The following ITGB6 variants were observed in gnomAD, a reference collection of about 807,000 sequenced individuals.
ITGB6 encodes integrin subunit beta 6, also known as integrin beta-6.
In ITGB6, 80 loss-of-function variants were observed where a neutral mutation model predicts 84.5. The observed-to-expected ratio is 0.95, with a 90% confidence interval of 0.79 to 1.14. The LOEUF (loss-of-function observed/expected upper bound fraction) is 1.14. ITGB6 is among the 50% of genes most tolerant of loss of function. ITGB6 has a pLI of 0.00. For synonymous variants in ITGB6, 383 were observed against 354.9 expected (o/e 1.08, Z -0.89); for missense variants, 1,006 against 968.0 (o/e 1.04, Z -0.52).
chr2:160,193,312 C>T (rs905794013), intron 4 of ITGB6, among the ~76,000 whole-genome samples: 3 of 152,234 alleles, frequency 2.0e-5, no homozygotes, highest in Admixed American at 2.0e-4. Flanking sequence ...GCAGCAAACT[C>T]CTGATACATA....
intron 10 of ITGB6, among the ~76,000 whole-genome samples, chr2:160,134,006 A>G (rs1056449600): frequency 6.6e-6 from 1 of 152,218 alleles, no homozygotes; most frequent in Non-Finnish European, 1.5e-5. Context: ...CTAGAGAAGC[A>G]TGAGCAAACA....
At chr2:160,139,470 A>C (rs560789680) in intron 8 of ITGB6, among the ~76,000 whole-genome samples, 55 of 152,266 alleles carry the variant, frequency 3.6e-4, no homozygotes, top group Non-Finnish European at 6.8e-4. Flanking sequence ...CTTCCTCCAA[A>C]ATCTGTTTAT....
chr2:160,189,223 C>A lies in ITGB6; in HGVS notation c.593+6146G>T, dbSNP rs990473064. Reference sequence around the variant, plus strand: ...TAATTCAAGATGGATTAAAGACTTACATGTTAGACCTAAAACCATAAAAAC... The same window carrying A: ...TAATTCAAGATGGATTAAAGACTTAAATGTTAGACCTAAAACCATAAAAAC... On this transcript the variant is annotated intron_variant, in intron 4 of 14. Coordinates refer to ENST00000283249, the MANE Select transcript of ITGB6 (RefSeq NM_000888.5). 7.2e-5 allele frequency among the ~76,000 whole-genome samples: 11 copies of A among 152,228 alleles called. No individual in the cohort carries two copies. The East Asian group carries it at 1.4e-3, about 19-fold the overall frequency.
At chr2:160,156,924 T>C (rs1237944283) in intron 7 of ITGB6, among the ~76,000 whole-genome samples, 2 of 152,212 alleles carry the variant, frequency 1.3e-5, no homozygotes, top group African/African-American at 4.8e-5. Flanking sequence ...TAAGCCTGAC[T>C]GGGTATGTTC....
At chr2:160,178,144 C>G (rs1043204025) in intron 4 of ITGB6, among the ~76,000 whole-genome samples, 21 of 152,192 alleles carry the variant, frequency 1.4e-4, no homozygotes, top group African/African-American at 4.3e-4. Context: ...CAAAGTGCTG[C>G]GAGTACAGGC....
intron 8 of ITGB6, among the ~76,000 whole-genome samples, chr2:160,140,803 T>A (rs961345189): frequency 7.9e-5 from 12 of 152,212 alleles, no homozygotes; most frequent in Admixed American, 7.9e-4. Context: ...TGTATTTTAT[T>A]TTCTGAAGAA....
rs1455500376 is a variant in ITGB6, at chr2:160,136,600, A to G, written c.1660+834T>C. 2.0e-5 allele frequency among the ~76,000 whole-genome samples: 3 copies of G among 152,334 alleles called. No individual in the cohort carries two copies. The East Asian group carries it at 5.8e-4, about 29-fold the overall frequency. ...CATGCTGCTATAAAGACACATGCAC[A>G]CGTATGTTTATTGCGGCACTATTCA... is the stretch of plus-strand genomic sequence containing the variant. On this transcript the variant is annotated intron_variant, in intron 10 of 14. Transcript: ENST00000283249.
chr2:160,152,576 T>C (rs997258668), intron 7 of ITGB6, among the ~76,000 whole-genome samples: 15 of 152,108 alleles, frequency 9.9e-5, no homozygotes, highest in Admixed American at 2.0e-4. Context: ...CTGTTCAACA[T>C]AGTGTTGGAA....
intron 4 of ITGB6, among the ~76,000 whole-genome samples, chr2:160,194,208 AC>A (rs1292934399): frequency 1.3e-5 from 2 of 152,080 alleles, no homozygotes; most frequent in African/African-American, 4.8e-5. Flanking sequence ...TTTTTAAGCC[AC>A]TGTCTCAGAT....
chr2:160,193,249 G>C (rs1281782304), intron 4 of ITGB6, among the ~76,000 whole-genome samples: 1 of 151,988 alleles, frequency 6.6e-6, no homozygotes, highest in Admixed American at 6.6e-5. Context: ...ACCAATAAAA[G>C]AGTAAATAAA....
At chr2:160,121,238 G>A (rs1683024995) in intron 12 of ITGB6, among the ~76,000 whole-genome samples, 1 of 152,164 alleles carries the variant, frequency 6.6e-6, no homozygotes, top group Non-Finnish European at 1.5e-5. Flanking sequence ...TTTATGGTCA[G>A]ATAAGTTTGG....
chr2:160,169,013 C>T (rs1391857324), intron 7 of ITGB6, among the ~76,000 whole-genome samples, 199 bp downstream of exon 7: 1 of 152,152 alleles, frequency 6.6e-6, no homozygotes, highest in Non-Finnish European at 1.5e-5. Context: ...TTATTAGTTC[C>T]CCATGCCCTA....
intron 1 of ITGB6, among the ~76,000 whole-genome samples, 155 bp from the exon 2 acceptor site, chr2:160,199,413 G>A (rs1270282842): frequency 6.6e-6 from 1 of 152,080 alleles, no homozygotes; most frequent in African/African-American, 2.4e-5. Flanking sequence ...TCACATAAAA[G>A]TTTGTATTTT....
rs568807874 is a variant in ITGB6, at chr2:160,100,733, A to T, written c.*1003T>A. On this transcript the variant is annotated 3_prime_UTR_variant, in exon 15 of 15. Coordinates refer to ENST00000283249, the MANE Select transcript of ITGB6 (RefSeq NM_000888.5). ...CTGAAATGTGCAAGTTGGGTTACATAGATGGGAAAAGAGTATGTATTAAAA... is the reference window on the plus strand; with the variant it reads ...CTGAAATGTGCAAGTTGGGTTACATTGATGGGAAAAGAGTATGTATTAAAA... The T allele has an allele frequency of 6.6e-6, 1 of 152,370 alleles. No homozygotes were observed. The highest frequency in any genetic ancestry group is 1.9e-4 in the East Asian group (1 of 5,192). 9.4% of individuals were successfully genotyped at this position (152,370 alleles called of 1,614,324 possible). A position where few individuals can be genotyped will look rare whatever the true frequency, so the allele number is the denominator to read the frequency against.
chr2:160,181,659 C>T (rs1685677713), intron 4 of ITGB6, among the ~76,000 whole-genome samples: 1 of 152,220 alleles, frequency 6.6e-6, no homozygotes, highest in Non-Finnish European at 1.5e-5. Flanking sequence ...ACTGCCTCCT[C>T]AAGTGGGTCC....
At chr2:160,178,649 C>A (rs1685533170) in intron 4 of ITGB6, among the ~76,000 whole-genome samples, 1 of 146,330 alleles carries the variant, frequency 6.8e-6, no homozygotes, top group Non-Finnish European at 1.5e-5. Flanking sequence ...GATCAGAGTT[C>A]ATTTTCTTTT....
intron 12 of ITGB6, among the ~76,000 whole-genome samples, chr2:160,117,694 A>G (rs1274804694): frequency 6.6e-6 from 1 of 152,188 alleles, no homozygotes; most frequent in East Asian, 1.9e-4. Context: ...TAGAGACACA[A>G]AAAACCCTTC....
At chr2:160,191,120 GGTT>G (rs1686123712) in intron 4 of ITGB6, among the ~76,000 whole-genome samples, 1 of 152,152 alleles carries the variant, frequency 6.6e-6, no homozygotes, top group Non-Finnish European at 1.5e-5. Context: ...ATAGTTAAGA[GGTT>G]GTTAGCACCA....
chr2:160,107,660 G>A lies in ITGB6; in HGVS notation c.2268+19C>T. ...CTCTTTCTCCCCTAGACAAGGAGTA[G>A]CCCTAAGTTTCCACATACCGTTTGC... On this transcript the variant is annotated intron_variant, in intron 14 of 14. Transcript: ENST00000283249. 1.9e-6 allele frequency: 3 copies of A among 1,612,358 alleles called. No homozygotes were observed. The highest frequency in any genetic ancestry group is 2.5e-6 in the Non-Finnish European group (3 of 1,178,516).
Sources: gnomAD v4.1 joint callset for allele counts (sites outside exome capture counted in the v4.1 genomes callset) on GRCh38, gnomAD v4.1.1 for gene constraint, MANE v1.5 for transcripts, NCBI Gene and HGNC (gene_info 2026-07-23, HGNC 2026-07-21) for gene names.